TBL1XR1: variants seen among roughly 807,000 people sequenced by gnomAD.
TBL1XR1 encodes the protein TBL1X/Y related 1.
In TBL1XR1, 5 loss-of-function variants were observed where a neutral mutation model predicts 66.9. That is an observed-to-expected ratio of 0.07 (90% confidence interval 0.04 to 0.16). The LOEUF (loss-of-function observed/expected upper bound fraction) is 0.16, where lower values mean the gene tolerates loss of function less well. TBL1XR1 is among the 10% of genes least tolerant of loss of function. The pLI is 1.00. For missense variants in TBL1XR1, 238 were observed against 623.2 expected, an observed-to-expected ratio of 0.38 and a Z score of 6.58; for synonymous variants, 210 against 206.0, an observed-to-expected ratio of 1.02 and a Z score of -0.17.
intron 3 of TBL1XR1, among the ~76,000 whole-genome samples, chr3:177,058,757 G>A (rs1195115165): frequency 1.3e-5 from 2 of 152,060 alleles, no homozygotes; most frequent in East Asian, 3.8e-4. Flanking sequence ...TTATACTCTC[G>A]CTATGCTGGC....
chr3:177,201,389 C>T (rs1318023297), upstream of TBL1XR1, among the ~76,000 whole-genome samples: 4 of 108,976 alleles, frequency 3.7e-5, no homozygotes, highest in South Asian at 1.0e-3. Context: ...CCAGCCTGGG[C>T]GGGTGACAGA....
chr3:177,071,030 TGTTTTTTTTTTTTTTTTTGA>T (rs1339228114), intron 2 of TBL1XR1, among the ~76,000 whole-genome samples: 2 of 120,838 alleles, frequency 1.7e-5, no homozygotes, highest in African/African-American at 6.3e-5. Context: ...TCTGAGAATC[TGTTTTTTTTTTTTTTTTTGA>T]GACAGAGTTT....
intron 2 of TBL1XR1, among the ~76,000 whole-genome samples, chr3:177,076,096 T>C (rs761931310): frequency 1.3e-4 from 20 of 152,216 alleles, no homozygotes; most frequent in Non-Finnish European, 2.5e-4. Context: ...CTCTGCTTCA[T>C]AAATGGTGCC....
intron 1 of TBL1XR1, among the ~76,000 whole-genome samples, chr3:177,144,593 G>GA (rs1208692791): frequency 0.021 from 3,138 of 146,464 alleles, 100 homozygotes; most frequent in African/African-American, 0.073. Context: ...CTCTACTTTA[G>GA]AAAAAAAAAA....
chr3:177,174,363 A>G (rs1733911565), intron 1 of TBL1XR1, among the ~76,000 whole-genome samples: 1 of 132,322 alleles, frequency 7.6e-6, no homozygotes, highest in African/African-American at 2.8e-5. Context: ...GAGCTGAGAT[A>G]GTGCCACTGC....
At chr3:177,073,142 A>G (rs1044557379) in intron 2 of TBL1XR1, among the ~76,000 whole-genome samples, 5 of 152,248 alleles carry the variant, frequency 3.3e-5, no homozygotes, top group African/African-American at 1.2e-4. Flanking sequence ...ATTGATAACT[A>G]TAACCCACAT....
At chr3:177,162,459 A>T (rs927686887) in intron 1 of TBL1XR1, among the ~76,000 whole-genome samples, 7 of 152,252 alleles carry the variant, frequency 4.6e-5, no homozygotes, top group African/African-American at 1.7e-4. Flanking sequence ...AAAAAATCAT[A>T]GGCACAACTA....
chr3:177,158,598 CATATT>C (rs1222909830), intron 1 of TBL1XR1, among the ~76,000 whole-genome samples: 1 of 152,092 alleles, frequency 6.6e-6, no homozygotes, highest in East Asian at 1.9e-4. Flanking sequence ...TCCTAAATTT[CATATT>C]ATATATTAGA....
At chr3:177,143,233 C>A (rs141885982) in intron 1 of TBL1XR1, among the ~76,000 whole-genome samples, 6 of 151,966 alleles carry the variant, frequency 3.9e-5, no homozygotes, top group Non-Finnish European at 8.8e-5. Context: ...TATTGATCAG[C>A]TGACAAAAAT....
intron 3 of TBL1XR1, among the ~76,000 whole-genome samples, chr3:177,058,654 G>A (rs1025100557): frequency 6.6e-6 from 1 of 152,152 alleles, no homozygotes; most frequent in African/African-American, 2.4e-5. Context: ...AAAAGCTGAA[G>A]GGGATATAAG....
At chr3:177,084,105 A>AAAAG (rs1721824197) in intron 2 of TBL1XR1, among the ~76,000 whole-genome samples, 3 of 151,820 alleles carry the variant, frequency 2.0e-5, no homozygotes, top group Admixed American at 6.6e-5. Context: ...AAAAAAAAGA[A>AAAAG]AAAAGAAAAG....
chr3:177,135,333 G>GTGTGTATATATATATA (rs1560213907), intron 1 of TBL1XR1, among the ~76,000 whole-genome samples: 1 of 53,820 alleles, frequency 1.9e-5, no homozygotes, highest in African/African-American at 6.8e-5. Context: ...GTGTGTGTGT[G>GTGTGTATATATATATA]TATACATATA....
At chr3:177,082,542 C>T (rs1429010625) in intron 2 of TBL1XR1, among the ~76,000 whole-genome samples, 1 of 151,282 alleles carries the variant, frequency 6.6e-6, no homozygotes, top group Non-Finnish European at 1.5e-5. Context: ...ACTTTCCTAA[C>T]AGCAAATTAA....
At chr3:177,093,325 T>A (rs1723062302) in intron 2 of TBL1XR1, among the ~76,000 whole-genome samples, 1 of 152,040 alleles carries the variant, frequency 6.6e-6, no homozygotes, top group Non-Finnish European at 1.5e-5. Flanking sequence ...AAATCATAGA[T>A]GACACAAACA....
At chr3:177,062,423 A>G (rs1357588766) in intron 3 of TBL1XR1, among the ~76,000 whole-genome samples, 1 of 152,148 alleles carries the variant, frequency 6.6e-6, no homozygotes, top group African/African-American at 2.4e-5. Flanking sequence ...CCCAGGCCCC[A>G]CTCAGTGTGA....
chr3:177,157,740 C>G (rs185512605), intron 1 of TBL1XR1, among the ~76,000 whole-genome samples: 1 of 152,130 alleles, frequency 6.6e-6, no homozygotes, highest in Non-Finnish European at 1.5e-5. Context: ...CAAAACTAAC[C>G]TGCAGTGTTA....
At chr3:177,089,552 G>C (rs76439354) in intron 2 of TBL1XR1, among the ~76,000 whole-genome samples, 4 of 152,210 alleles carry the variant, frequency 2.6e-5, no homozygotes, top group Admixed American at 2.0e-4. Context: ...TCCCTTTCTG[G>C]CTTCTCCACA....
In TBL1XR1 at chr3:177,050,628, A is replaced by C; in HGVS notation, c.428-18T>G. 1 of 1,613,314 alleles carries C rather than the reference A, an allele frequency of 6.2e-7. No homozygotes were observed. The highest frequency in any genetic ancestry group is 8.5e-7 in the Non-Finnish European group (1 of 1,179,490). ...ATGATTATCTGCATCGTGAAACACA[A>C]GTAAGCATTTCCAGTTAGGCAGTAT... On this transcript the variant is annotated intron_variant, in intron 5 of 15. Transcript: ENST00000457928.
At chr3:177,053,507 C>A (rs1487775266) in intron 4 of TBL1XR1, among the ~76,000 whole-genome samples, 1 of 152,172 alleles carries the variant, frequency 6.6e-6, no homozygotes, top group African/African-American at 2.4e-5. Context: ...CATTCCACAG[C>A]ACAATGCTGT....
Sources: gnomAD v4.1 joint callset for allele counts (sites outside exome capture counted in the v4.1 genomes callset) on GRCh38, gnomAD v4.1.1 for gene constraint, MANE v1.5 for transcripts, NCBI Gene and HGNC (gene_info 2026-07-23, HGNC 2026-07-21) for gene names.